The following TIAM1 variants were observed in gnomAD, a reference collection of about 807,000 sequenced individuals.
TIAM1 encodes the protein rho guanine nucleotide exchange factor TIAM1.
In TIAM1, 65 loss-of-function variants were observed where a neutral mutation model predicts 163.5. That is an observed-to-expected ratio of 0.40 (90% CI 0.33 to 0.49). The LOEUF is 0.49. Ranked by LOEUF, TIAM1 falls within the 20% of genes least tolerant of loss-of-function variation. TIAM1 has a pLI of 0.77. For synonymous variants in TIAM1, 833 were observed against 810.1 expected (o/e 1.03, Z -0.48); for missense variants, 1,789 against 2,044.7 (o/e 0.87, Z 2.41).
chr21:31,417,634 C>CTA (rs1248393918), intron 2 of TIAM1, among the ~76,000 whole-genome samples: 1 of 152,188 alleles, frequency 6.6e-6, no homozygotes, highest in Non-Finnish European at 1.5e-5. Flanking sequence ...CACAGCCAAA[C>CTA]TATATCAGTG....
chr21:31,223,837 G>A (rs2087771280), intron 7 of TIAM1, among the ~76,000 whole-genome samples: 1 of 152,152 alleles, frequency 6.6e-6, no homozygotes, highest in Admixed American at 6.5e-5. Context: ...CGTACTGGGG[G>A]CATGATAGGT....
chr21:31,178,708 C>T (rs1011948249), intron 15 of TIAM1, among the ~76,000 whole-genome samples: 2 of 152,126 alleles, frequency 1.3e-5, no homozygotes, highest in African/African-American at 2.4e-5. Context: ...TGCTTTATTC[C>T]TGAGTCAGTC....
intron 15 of TIAM1, among the ~76,000 whole-genome samples, chr21:31,172,520 T>C (rs2084561972): frequency 6.6e-6 from 1 of 152,188 alleles, no homozygotes; most frequent in East Asian, 1.9e-4. Flanking sequence ...AAGCTGAAGA[T>C]AAGGCTCAGT....
At chr21:31,289,709 A>C (rs537859354) in intron 2 of TIAM1, among the ~76,000 whole-genome samples, 1 of 152,316 alleles carries the variant, frequency 6.6e-6, no homozygotes, top group Middle Eastern at 3.4e-3. Context: ...CTCCCTAAAA[A>C]TCATAAGAGG....
chr21:31,389,907 C>T (rs189092334), intron 2 of TIAM1, among the ~76,000 whole-genome samples: 65 of 152,322 alleles, frequency 4.3e-4, no homozygotes, highest in African/African-American at 1.6e-3. Context: ...CTCCACCACA[C>T]ATTATGTCCA....
In TIAM1 at chr21:31,118,774, T is replaced by A. The variant is rs918160031; in HGVS notation, c.*1594A>T. 5 of 383,086 alleles carry A rather than the reference T, an allele frequency of 1.3e-5. No individual in the cohort carries two copies. Among genetic ancestry groups the A allele is most frequent in the East Asian group, 1.5e-4 (2 of 13,346 alleles). 23.7% of individuals were successfully genotyped at this position (383,086 alleles called of 1,614,324 possible). A position where few individuals can be genotyped will look rare whatever the true frequency, so the allele number is the denominator to read the frequency against. The stretch of plus-strand genomic sequence containing the variant: ...AGAAAACCAGAAGATATAGCAAAAA[T>A]TTAATAGAATAAAACTTTCAAAAGA... On this transcript the variant is annotated 3_prime_UTR_variant, in exon 28 of 28. Coordinates refer to ENST00000541036, the MANE Select transcript of TIAM1 (RefSeq NM_001353694.2).
chr21:31,203,370 G>A (rs887629459), intron 11 of TIAM1, among the ~76,000 whole-genome samples: 3 of 152,186 alleles, frequency 2.0e-5, no homozygotes, highest in Admixed American at 6.5e-5. Flanking sequence ...TGATTCACCC[G>A]CCTTGGCCTC....
At chr21:31,187,198 T>C in intron 13 of TIAM1, 111 bp from the exon 14 acceptor site, 1 of 965,090 alleles carries the variant, frequency 1.0e-6, no homozygotes. Context: ...TCATTATAGT[T>C]TGGACTGATT....
intron 2 of TIAM1, among the ~76,000 whole-genome samples, chr21:31,315,679 C>CAAAAAAAAAAAAAAAAAAAAAAAAA (rs58560437): frequency 7.5e-5 from 6 of 80,250 alleles, no homozygotes; most frequent in African/African-American, 2.7e-4. Flanking sequence ...AACTCCATCT[C>CAAAAAAAAAAAAAAAAAAAAAAAAA]AAAAAAAAAA....
Position 31,448,866 on chromosome 21 carries a change from A to C in TIAM1, c.-369+15117T>G, listed in dbSNP as rs566013733. On this transcript the variant is annotated intron_variant, in intron 2 of 28. Coordinates refer to the TIAM1 transcript ENST00000286827. ...TGCCAAGTGGAGATCCCTGGCATCT[A>C]CTTCTGAAAGTCCCTGTGGCCTAGG... is the stretch of plus-strand genomic sequence containing the variant. 3.3e-5 allele frequency among the ~76,000 whole-genome samples: 5 copies of C among 152,216 alleles called. No individual in the cohort carries two copies. The South Asian group carries it at 8.3e-4, about 25-fold the overall frequency.
intron 2 of TIAM1, among the ~76,000 whole-genome samples, chr21:31,402,557 G>A (rs1317053892): frequency 6.6e-6 from 1 of 152,070 alleles, no homozygotes; most frequent in African/African-American, 2.4e-5. Flanking sequence ...CACCATTTTT[G>A]CATGAGTTCA....
chr21:31,154,485 G>A, intron 16 of TIAM1, 59 bp from the exon 17 acceptor site: 2 of 1,559,986 alleles, frequency 1.3e-6, no homozygotes, highest in Non-Finnish European at 1.7e-6. Flanking sequence ...AGACGCACCT[G>A]ACACCTGGAC....
intron 6 of TIAM1, among the ~76,000 whole-genome samples, chr21:31,235,650 T>C (rs1277266679): frequency 6.6e-6 from 1 of 152,224 alleles, no homozygotes; most frequent in African/African-American, 2.4e-5. Flanking sequence ...GAAAATAATT[T>C]CACTTTAAGC....
At chr21:31,289,052 A>G (rs928787600) in intron 2 of TIAM1, among the ~76,000 whole-genome samples, 4 of 152,252 alleles carry the variant, frequency 2.6e-5, no homozygotes, top group African/African-American at 9.6e-5. Context: ...ACAGTGCAAT[A>G]TATCTGCAAT....
intron 8 of TIAM1, among the ~76,000 whole-genome samples, chr21:31,220,224 T>C (rs2087479611): frequency 6.6e-6 from 1 of 152,240 alleles, no homozygotes; most frequent in South Asian, 2.1e-4. Context: ...GTTTACTTAT[T>C]TCTTACCCTT....
chr21:31,390,037 A>T (rs2076942340), intron 2 of TIAM1, among the ~76,000 whole-genome samples: 1 of 152,226 alleles, frequency 6.6e-6, no homozygotes, highest in South Asian at 2.1e-4. Flanking sequence ...ATTTTTAAAA[A>T]ATCTATTAAG....
Position 31,118,722 on chromosome 21 carries a change from G to A in TIAM1, c.*1646C>T. Reference sequence around the variant, plus strand: ...ATGGAAAAATGCAGTGATACAAAGGGTATAGAAACCATTCTAAAGCTTTTT... The same window carrying A: ...ATGGAAAAATGCAGTGATACAAAGGATATAGAAACCATTCTAAAGCTTTTT... On this transcript the variant is annotated 3_prime_UTR_variant, in exon 28 of 28. Coordinates refer to ENST00000541036, the MANE Select transcript of TIAM1 (RefSeq NM_001353694.2). 2 of 433,168 alleles carry A rather than the reference G, an allele frequency of 4.6e-6. No homozygotes were observed. Among genetic ancestry groups the A allele is most frequent in the South Asian group, 1.7e-5 (1 of 58,494 alleles). The allele number at this position is 433,168 out of a possible 1,614,324, so 26.8% of individuals were successfully genotyped here. A position where few individuals can be genotyped will look rare whatever the true frequency, so the allele number is the denominator to read the frequency against.
At chr21:31,358,104 G>A (rs2076346139) in intron 2 of TIAM1, among the ~76,000 whole-genome samples, 1 of 152,142 alleles carries the variant, frequency 6.6e-6, no homozygotes, top group South Asian at 2.1e-4. Flanking sequence ...AGGCAGCCTC[G>A]AGCCTTCAGT....
At chr21:31,412,681 C>T (rs1362702824) in intron 2 of TIAM1, among the ~76,000 whole-genome samples, 3 of 148,448 alleles carry the variant, frequency 2.0e-5, no homozygotes, top group South Asian at 2.2e-4. Flanking sequence ...ACTTGGGAGG[C>T]TGAGGAAGGA....
Sources: allele counts gnomAD v4.1 joint callset (sites outside exome capture counted in the v4.1 genomes callset), GRCh38; gene constraint gnomAD v4.1.1; transcripts MANE v1.5; gene names NCBI Gene and HGNC (gene_info 2026-07-23, HGNC 2026-07-21).